The following FOXP1 variants were observed in gnomAD, a reference collection of about 807,000 sequenced individuals.
The protein encoded by FOXP1 is forkhead box P1.
A neutral mutation model predicts 98.2 loss-of-function variants in FOXP1; 15 were observed. That is an observed-to-expected ratio of 0.15 (90% CI 0.10 to 0.24). The LOEUF is 0.24. FOXP1 is among the 10% of genes least tolerant of loss of function. The pLI, the probability that FOXP1 is intolerant of heterozygous loss-of-function variation, is 1.00. For missense variants in FOXP1, 633 were observed against 848.5 expected, an observed-to-expected ratio of 0.75 and a Z score of 3.15; for synonymous variants, 371 against 314.5, an observed-to-expected ratio of 1.18 and a Z score of -1.90.
intron 3 of FOXP1, among the ~76,000 whole-genome samples, chr3:71,482,026 T>G (rs1181808402): frequency 1.3e-5 from 2 of 152,290 alleles, no homozygotes; most frequent in Admixed American, 1.3e-4. Context: ...TGCAGCATCT[T>G]CTCTCCAGAG....
At chr3:71,575,865 G>A (rs2047684021) in intron 2 of FOXP1, among the ~76,000 whole-genome samples, 1 of 152,230 alleles carries the variant, frequency 6.6e-6, no homozygotes, top group Non-Finnish European at 1.5e-5. Flanking sequence ...AGCTGGGAGG[G>A]AGAAAGGACA....
chr3:71,197,962 G>A, intron 6 of FOXP1: 3 of 1,614,122 alleles, frequency 1.9e-6, no homozygotes, highest in South Asian at 1.1e-5. Context: ...CTCAGCAACT[G>A]CTCCCCACAA....
At chr3:71,338,779 A>T (rs1236054455) in intron 4 of FOXP1, among the ~76,000 whole-genome samples, 2 of 152,220 alleles carry the variant, frequency 1.3e-5, no homozygotes, top group Admixed American at 1.3e-4. Flanking sequence ...AAATAGGACT[A>T]CAGAACTTGC....
intron 3 of FOXP1, among the ~76,000 whole-genome samples, chr3:71,473,959 C>T (rs9819066): frequency 0.35 from 53,902 of 151,988 alleles, 9,990 homozygotes; most frequent in Non-Finnish European, 0.38. Flanking sequence ...TGCCCTGGCA[C>T]AGAGTAGGCA....
At chr3:71,502,035 T>C (rs1270846092) in intron 2 of FOXP1, among the ~76,000 whole-genome samples, 1 of 152,254 alleles carries the variant, frequency 6.6e-6, no homozygotes, top group Non-Finnish European at 1.5e-5. Context: ...AGGAAGGCTC[T>C]TTTGGGGAGC....
intron 7 of FOXP1, among the ~76,000 whole-genome samples, chr3:71,091,334 A>G (rs192098744): frequency 6.6e-6 from 1 of 152,224 alleles, no homozygotes; most frequent in Admixed American, 6.5e-5. Flanking sequence ...TACTAAAAAT[A>G]CAAATAAAAT....
At chr3:71,582,042 T>C (rs1412989189) in intron 1 of FOXP1, 11 of 973,846 alleles carry the variant, frequency 1.1e-5, no homozygotes, top group Non-Finnish European at 1.3e-5. Context: ...GTTTATTTAG[T>C]CCTTATTCTC....
chr3:71,205,661 G>A (rs1314587290), intron 5 of FOXP1, among the ~76,000 whole-genome samples: 3 of 152,154 alleles, frequency 2.0e-5, no homozygotes, highest in Non-Finnish European at 4.4e-5. Context: ...AAACAAACCA[G>A]CTGTAGGGGC....
At chr3:71,326,981 AAACTAAGGCCCAGCAAGGT>A (rs1310914630) in intron 4 of FOXP1, among the ~76,000 whole-genome samples, 5 of 152,200 alleles carry the variant, frequency 3.3e-5, no homozygotes, top group Non-Finnish European at 7.3e-5. Context: ...ACAGATGAGG[AAACTAAGGCCCAGCAAGGT>A]AACTAGTCCC....
At chr3:71,446,836 T>A (rs1263327043) in intron 3 of FOXP1, among the ~76,000 whole-genome samples, 11 of 152,260 alleles carry the variant, frequency 7.2e-5, no homozygotes, top group Admixed American at 5.9e-4. Context: ...GGAGTAAGTG[T>A]CAATACAGAT....
rs563980834 is a variant in FOXP1 at position 71,400,815 on chromosome 3, A to C, written c.-167-41571T>G. 4.6e-5 allele frequency among the ~76,000 whole-genome samples: 7 copies of C among 152,332 alleles called. No homozygotes were observed. The South Asian group carries it at 1.4e-3, about 32-fold the overall frequency. On this transcript the variant is annotated intron_variant, in intron 3 of 20. Coordinates refer to ENST00000649528, the MANE Select transcript of FOXP1 (RefSeq NM_001349338.3). ...CCAGATCAATGACCTACATTGTGTT[A>C]GATGTAGAACCCCCCTGCAATTTTT...
intron 6 of FOXP1, among the ~76,000 whole-genome samples, chr3:71,130,030 A>C (rs1356157302): frequency 6.6e-6 from 1 of 152,268 alleles, no homozygotes; most frequent in Non-Finnish European, 1.5e-5. Flanking sequence ...AATATTACCA[A>C]GACCGATTCA....
chr3:71,117,996 G>C (rs1001834216), intron 6 of FOXP1, among the ~76,000 whole-genome samples: 3 of 152,174 alleles, frequency 2.0e-5, no homozygotes, highest in Non-Finnish European at 4.4e-5. Flanking sequence ...GGTGGGTCAG[G>C]GGGAGTGGTG....
rs57214191 is a variant in FOXP1, at chr3:71,401,210, G to C, written c.-167-41966C>G. 4.1e-3 allele frequency among the ~76,000 whole-genome samples: 624 copies of C among 152,256 alleles called. 2 individuals carry two copies. The highest frequency in any genetic ancestry group is 0.014 in the African/African-American group (601 of 41,538). On this transcript the variant is annotated intron_variant, in intron 3 of 20. Coordinates refer to ENST00000649528, the MANE Select transcript of FOXP1 (RefSeq NM_001349338.3). ...TCAACTCCCCTGCACATTGCCCCCT[G>C]GGTACCAACAGTTCAAAAGTTCAAA...
chr3:71,163,098 G>A (rs929016847), intron 6 of FOXP1, among the ~76,000 whole-genome samples: 10 of 152,118 alleles, frequency 6.6e-5, no homozygotes, highest in African/African-American at 2.2e-4. Context: ...GAACTTTGAC[G>A]GTAACTAGGA....
chr3:71,430,221 C>T (rs1037064542), intron 3 of FOXP1, among the ~76,000 whole-genome samples: 9 of 152,144 alleles, frequency 5.9e-5, no homozygotes, highest in Non-Finnish European at 8.8e-5. Flanking sequence ...GACTTTGCAG[C>T]GTGAGCGATT....
At chr3:71,346,751 T>A (rs999989550) in intron 4 of FOXP1, among the ~76,000 whole-genome samples, 2 of 152,104 alleles carry the variant, frequency 1.3e-5, no homozygotes, top group Admixed American at 6.5e-5. Flanking sequence ...TTAGCAAGAC[T>A]TTATATAATA....
At chr3:71,115,629 A>G (rs1366828110) in intron 6 of FOXP1, among the ~76,000 whole-genome samples, 1 of 151,302 alleles carries the variant, frequency 6.6e-6, no homozygotes, top group African/African-American at 2.4e-5. Context: ...GAGCCACTGC[A>G]CCCAGTCTCA....
chr3:71,117,195 C>T (rs1397070188), intron 6 of FOXP1, among the ~76,000 whole-genome samples: 1 of 152,158 alleles, frequency 6.6e-6, no homozygotes, highest in Non-Finnish European at 1.5e-5. Context: ...TCAAGCAATC[C>T]TCCCACCTCA....
Sources: gnomAD v4.1 joint callset for allele counts (sites outside exome capture counted in the v4.1 genomes callset) on GRCh38, gnomAD v4.1.1 for gene constraint, MANE v1.5 for transcripts, NCBI Gene and HGNC (gene_info 2026-07-23, HGNC 2026-07-21) for gene names.